TANC1: variants seen among roughly 807,000 people sequenced by gnomAD.
TANC1 encodes tetratricopeptide repeat, ankyrin repeat and coiled-coil containing 1.
A neutral mutation model predicts 149.7 loss-of-function variants in TANC1; 77 were observed. The ratio of observed to expected loss-of-function variants is 0.51; its 90% CI spans 0.43 to 0.62. The LOEUF (loss-of-function observed/expected upper bound fraction) is 0.62. TANC1 is among the 20% of genes least tolerant of loss of function. TANC1 has a pLI of 0.00. For synonymous variants in TANC1, 854 were observed against 925.0 expected (o/e 0.92, Z 1.39); for missense variants, 1,985 against 2,321.8 (o/e 0.85, Z 2.98).
Position 159,230,208 on chromosome 2 carries a change from T to C in TANC1, c.4782T>C (p.Cys1594=), listed in dbSNP as rs1234443278. Residue 1594 remains cysteine, a synonymous_variant, in exon 27 of 27, where the codon TGT becomes TGC. Coordinates refer to ENST00000263635, the MANE Select transcript of TANC1 (RefSeq NM_033394.3). The surrounding 1 kb of genome is among the most constrained non-coding windows in gnomAD (Gnocchi z 4.4). ...GTGTFTTRAG[C]GHFGDRLGPS... is the part of the protein sequence containing the mutation. ...GTACTTTCACTACAAGAGCTGGTTG[T>C]GGCCACTTTGGGGATCGGCTGGGCC... 1.9e-6 allele frequency: 3 copies of C among 1,614,002 alleles called. No individual in the cohort carries two copies. Among genetic ancestry groups the C allele is most frequent in the Non-Finnish European group, 2.5e-6 (3 of 1,180,034 alleles).
intron 16 of TANC1, among the ~76,000 whole-genome samples, chr2:159,192,763 C>T (rs765031011): frequency 3.9e-5 from 6 of 152,222 alleles, no homozygotes; most frequent in African/African-American, 7.2e-5. Flanking sequence ...GATTCTCCTG[C>T]ATCAGTCTCC....
chr2:159,117,701 C>CTTTTTTT (rs59509568), intron 4 of TANC1, among the ~76,000 whole-genome samples: 7 of 113,268 alleles, frequency 6.2e-5, no homozygotes, highest in African/African-American at 2.6e-4. Flanking sequence ...CGGCCTATTC[C>CTTTTTTT]TTTTTTTTTT....
chr2:159,033,730 G>T (rs56226193), intron 2 of TANC1, among the ~76,000 whole-genome samples: 37,208 of 152,090 alleles, frequency 0.24, 5,984 homozygotes, highest in Non-Finnish European at 0.37. Context: ...CGGTGTTCCC[G>T]CAGGCTTCAC....
At position 159,163,470 on chromosome 2, in the gene TANC1, C is replaced by T; in HGVS notation, c.870C>T (p.Ser290=). ...AGAGCACGCTGCCCAAAGCAGAATC[C>T]TCAGCTGGAGATGGTCCAGTCCCTT... is the stretch of plus-strand genomic sequence containing the variant. ...SAESTLPKAE[S]SAGDGPVPYS... is the part of the protein sequence containing the mutation. The change falls in exon 8 of 27, where the codon TCC becomes TCT. Residue 290 remains serine, a synonymous_variant. Coordinates refer to ENST00000263635, the MANE Select transcript of TANC1 (RefSeq NM_033394.3). 1 of 1,613,916 alleles carries T rather than the reference C, an allele frequency of 6.2e-7. No homozygotes were observed. The highest frequency in any genetic ancestry group is 1.1e-5 in the South Asian group (1 of 91,066).
rs1304137306 is a variant in TANC1, at chr2:159,225,694, C to T, written c.3818C>T (p.Ala1273Val). Residue 1273 changes from alanine (A) to valine (V), a missense_variant, in exon 24 of 27, where the codon GCT becomes GTT. Ala to Val is a moderately conservative substitution (Grantham distance 64). This residue lies in a region of TANC1 where 920 missense variants were observed against 994.7 expected (regional missense o/e 0.92). Coordinates refer to ENST00000263635, the MANE Select transcript of TANC1 (RefSeq NM_033394.3). ...ATGCGTGTTTGTTTTGCAGGAAATG[C>T]TGCTTGGGCGATGGCCACTTCCAAA... Reference protein sequence around the residue: ...LLRKGAKLGNAAWAMATSKPD... With the variant: ...LLRKGAKLGNVAWAMATSKPD... The T allele has an allele frequency of 1.2e-6, 2 of 1,613,732 alleles. No individual in the cohort carries two copies. Among genetic ancestry groups the T allele is most frequent in the Non-Finnish European group, 8.5e-7 (1 of 1,179,694 alleles).
chr2:158,987,058 A>G (rs1288740719), intron 1 of TANC1, among the ~76,000 whole-genome samples: 1 of 149,908 alleles, frequency 6.7e-6, no homozygotes, highest in Non-Finnish European at 1.5e-5. Context: ...AAAAAAAAAT[A>G]CAAAAATTGG....
At chr2:159,216,411 G>A (rs1291008061) in intron 19 of TANC1, among the ~76,000 whole-genome samples, 1 of 152,170 alleles carries the variant, frequency 6.6e-6, no homozygotes, top group African/African-American at 2.4e-5. Flanking sequence ...TCCCTCCAGA[G>A]GAACAGCCAT....
At chr2:158,997,826 C>T (rs780369226) in intron 1 of TANC1, among the ~76,000 whole-genome samples, 31 of 152,134 alleles carry the variant, frequency 2.0e-4, no homozygotes, top group African/African-American at 5.1e-4. Context: ...GATACCTCCC[C>T]GTTCACTAGC....
At chr2:159,002,838 T>C (rs1333013117) in intron 2 of TANC1, among the ~76,000 whole-genome samples, 1 of 152,228 alleles carries the variant, frequency 6.6e-6, no homozygotes, top group Non-Finnish European at 1.5e-5. Context: ...AGCGTGGTTC[T>C]GTGATTATAT....
intron 2 of TANC1, among the ~76,000 whole-genome samples, chr2:159,043,032 A>G (rs2040775399): frequency 6.6e-6 from 1 of 152,168 alleles, no homozygotes; most frequent in African/African-American, 2.4e-5. Flanking sequence ...GCTTAAGAGC[A>G]GGTGCTTCTC....
chr2:159,132,655 ATTTT>A (rs35719354), intron 4 of TANC1, among the ~76,000 whole-genome samples: 4 of 127,260 alleles, frequency 3.1e-5, no homozygotes, highest in Non-Finnish European at 3.3e-5. Flanking sequence ...CACCCAGCTA[ATTTT>A]TTTTTTTTTT....
chr2:158,984,529 G>A (rs951051691), intron 1 of TANC1, among the ~76,000 whole-genome samples: 4 of 152,284 alleles, frequency 2.6e-5, no homozygotes, highest in East Asian at 1.9e-4. Flanking sequence ...GGTGGTGGAG[G>A]TCTTGTATTC....
At chr2:159,084,473 T>G (rs2044630974) in intron 3 of TANC1, among the ~76,000 whole-genome samples, 1 of 152,154 alleles carries the variant, frequency 6.6e-6, no homozygotes, top group South Asian at 2.1e-4. Flanking sequence ...TCCCCCAAAA[T>G]GATCCCGTTT....
intron 2 of TANC1, among the ~76,000 whole-genome samples, chr2:159,012,076 C>T (rs2037830830): frequency 6.6e-6 from 1 of 152,152 alleles, no homozygotes; most frequent in South Asian, 2.1e-4. Context: ...GGGTGCTGTC[C>T]TCATAGAAGG....
intron 8 of TANC1, among the ~76,000 whole-genome samples, chr2:159,167,013 T>C (rs1055403588): frequency 1.3e-5 from 2 of 152,228 alleles, no homozygotes; most frequent in Non-Finnish European, 2.9e-5. Flanking sequence ...CCTGTTTAGA[T>C]ACAATCTAGG....
chr2:159,032,508 CT>C (rs200589854), intron 2 of TANC1, among the ~76,000 whole-genome samples: 12 of 150,968 alleles, frequency 7.9e-5, no homozygotes, highest in South Asian at 2.1e-4. Flanking sequence ...CTTTAAAATG[CT>C]TTTTTTTTGG....
At chr2:159,015,843 T>C (rs1373807820) in intron 2 of TANC1, among the ~76,000 whole-genome samples, 1 of 152,200 alleles carries the variant, frequency 6.6e-6, no homozygotes. Context: ...TCTGAGTCCA[T>C]GCCAGCCTGG....
intron 2 of TANC1, among the ~76,000 whole-genome samples, chr2:159,061,636 C>A (rs929319631): frequency 1.3e-5 from 2 of 152,154 alleles, no homozygotes; most frequent in African/African-American, 4.8e-5. Context: ...TTGTGTCATG[C>A]AAAACTTTGG....
At chr2:158,970,774 G>A (rs1023318304) in intron 1 of TANC1, among the ~76,000 whole-genome samples, 8 of 152,136 alleles carry the variant, frequency 5.3e-5, no homozygotes, top group Non-Finnish European at 1.2e-4. Context: ...TAGTGTCATC[G>A]ATTTTAGTGG....
Sources: gnomAD v4.1 joint callset for allele counts (sites outside exome capture counted in the v4.1 genomes callset) on GRCh38, gnomAD v4.1.1 for gene constraint, gnomAD v4.1.1 regional missense constraint, Gnocchi (gnomAD v3.1) non-coding constraint, MANE v1.5 for transcripts, NCBI Gene and HGNC (gene_info 2026-07-23, HGNC 2026-07-21) for gene names.